The following PKP4 variants were observed in gnomAD, a reference collection of about 807,000 sequenced individuals.
PKP4 encodes plakophilin-4.
Under a neutral mutation model 145.1 loss-of-function variants are expected in PKP4, and 90 were observed. The ratio of observed to expected loss-of-function variants is 0.62; its 90% confidence interval spans 0.52 to 0.74. The LOEUF (loss-of-function observed/expected upper bound fraction) is 0.74. Ranked by LOEUF, PKP4 falls within the 30% of genes least tolerant of loss-of-function variation. PKP4 has a pLI of 0.00. For missense variants in PKP4, 1,340 were observed against 1,482.7 expected, an observed-to-expected ratio of 0.90 and a Z score of 1.58; for synonymous variants, 563 against 577.2, an observed-to-expected ratio of 0.98 and a Z score of 0.35.
At chr2:158,548,471 C>G (rs1054992240) in intron 2 of PKP4, 1 of 154,664 alleles carries the variant, frequency 6.5e-6, no homozygotes, top group African/African-American at 2.4e-5. Context: ...GCCCTGGCCC[C>G]TGTTGTTGCA....
At chr2:158,594,952 G>A (rs1485061454) in intron 3 of PKP4, among the ~76,000 whole-genome samples, 2 of 152,136 alleles carry the variant, frequency 1.3e-5, no homozygotes, top group African/African-American at 4.8e-5. Flanking sequence ...CTGTCTTCAC[G>A]TGTTGACCTT....
intron 9 of PKP4, among the ~76,000 whole-genome samples, chr2:158,636,969 G>A (rs2053862172): frequency 6.6e-6 from 1 of 152,032 alleles, no homozygotes; most frequent in African/African-American, 2.4e-5. Flanking sequence ...AACATCTGGG[G>A]TGAGTCTGGG....
chr2:158,487,049 G>A (rs562854439), intron 1 of PKP4, among the ~76,000 whole-genome samples: 10 of 152,200 alleles, frequency 6.6e-5, no homozygotes, highest in East Asian at 1.9e-4. Context: ...CATATGAAAC[G>A]TTACATCAGC....
Position 158,666,429 on chromosome 2 carries a change from G to A in PKP4, c.2594G>A (p.Arg865Gln), listed in dbSNP as rs746826647. The change falls in exon 16 of 22, where the codon CGG (arginine) becomes CAG (glutamine). Residue 865 changes from arginine (R) to glutamine (Q), a missense_variant. Transcript: ENST00000389759. Reference protein sequence around the residue: ...AGNWKFAAYIRAAVRKEKGLP... With the variant: ...AGNWKFAAYIQAAVRKEKGLP... ...TCTCACTAGTTTGCAGCATATATCC[G>A]GGCGGCCGTCCGAAAAGAAAAGGGG... The A allele has an allele frequency of 1.2e-5, 19 of 1,605,972 alleles. No homozygotes were observed. The highest frequency in any genetic ancestry group is 2.7e-5 in the African/African-American group (2 of 74,390).
intron 2 of PKP4, among the ~76,000 whole-genome samples, chr2:158,572,839 G>A (rs1236866359): frequency 6.6e-6 from 1 of 152,128 alleles, no homozygotes; most frequent in Non-Finnish European, 1.5e-5. Context: ...GAAATTTAAG[G>A]CCCAGAATGC....
Position 158,666,896 on chromosome 2 carries a change from A to G in PKP4, c.2728+333A>G, listed in dbSNP as rs184954126. Among the ~76,000 whole-genome samples, 245 of 152,240 alleles carry G rather than the reference A, an allele frequency of 1.6e-3. 1 individual carries two copies. Among genetic ancestry groups the G allele is most frequent in the African/African-American group, 5.6e-3 (234 of 41,542 alleles). On this transcript the variant is annotated intron_variant, in intron 16 of 21. Coordinates refer to ENST00000389759, the MANE Select transcript of PKP4 (RefSeq NM_003628.6). ...CAAAAAATCTTAATCTCCCTTTCCA[A>G]TTTTTGGACTGCTACCTGCTAATTC...
At chr2:158,605,348 G>A (rs1236523400) in intron 4 of PKP4, among the ~76,000 whole-genome samples, 2 of 152,062 alleles carry the variant, frequency 1.3e-5, no homozygotes, top group Non-Finnish European at 2.9e-5. Flanking sequence ...TACCTAATGA[G>A]TAAATGAGGT....
intron 1 of PKP4, among the ~76,000 whole-genome samples, chr2:158,463,170 G>T (rs1298600809): frequency 6.6e-6 from 1 of 152,182 alleles, no homozygotes; most frequent in Non-Finnish European, 1.5e-5. Context: ...TAGGGAAGTT[G>T]TAGCTTCTTG....
chr2:158,666,382 A>G (rs767754065), intron 15 of PKP4, 31 bp from the exon 16 acceptor site: 2 of 1,538,394 alleles, frequency 1.3e-6, no homozygotes, highest in Non-Finnish European at 1.7e-6. Flanking sequence ...ACTCTGTTTT[A>G]TGTTACTTCC....
In PKP4 at chr2:158,666,514, A is replaced by G. The variant is rs1002450676; in HGVS notation, c.2679A>G (p.Ala893=). Residue 893 remains alanine, a synonymous_variant, in exon 16 of 22, where the codon GCA becomes GCG. Transcript: ENST00000389759. ...ACGATAGAGTTGTTTCTTCCGTGGC[A>G]ACAGCCTTGAGGAATATGGCACTAG... is the stretch of plus-strand genomic sequence containing the variant. ...MDNDRVVSSV[A]TALRNMALDV... is the part of the protein sequence containing the mutation. The G allele has an allele frequency of 1.9e-6, 3 of 1,613,628 alleles. No individual in the cohort carries two copies. The highest frequency in any genetic ancestry group is 2.5e-6 in the Non-Finnish European group (3 of 1,179,848).
chr2:158,646,990 C>G (rs955117630), intron 11 of PKP4, among the ~76,000 whole-genome samples: 87 of 152,226 alleles, frequency 5.7e-4, no homozygotes, highest in African/African-American at 2.0e-3. Context: ...AAGACCAGTT[C>G]CACCCTAGAT....
At chr2:158,582,086 C>T (rs572126411) in intron 3 of PKP4, among the ~76,000 whole-genome samples, 1 of 152,272 alleles carries the variant, frequency 6.6e-6, no homozygotes, top group South Asian at 2.1e-4. Flanking sequence ...TGGGTTATGG[C>T]CTCATTTAAT....
intron 4 of PKP4, among the ~76,000 whole-genome samples, chr2:158,606,450 T>G (rs1345085969): frequency 1.3e-5 from 2 of 152,248 alleles, no homozygotes; most frequent in Non-Finnish European, 2.9e-5. Context: ...ATTTGTTGTA[T>G]TTTAACCTTA....
chr2:158,498,846 G>A (rs1172022405), intron 1 of PKP4, among the ~76,000 whole-genome samples: 1 of 147,760 alleles, frequency 6.8e-6, no homozygotes, highest in African/African-American at 2.5e-5. Context: ...TCAGGGGTGA[G>A]AGATTTTTGG....
At chr2:158,635,485 A>G (rs888860803) in intron 9 of PKP4, among the ~76,000 whole-genome samples, 2 of 152,186 alleles carry the variant, frequency 1.3e-5, no homozygotes, top group Admixed American at 6.5e-5. Context: ...AAATAGATGC[A>G]GAAATTCCCA....
chr2:158,668,213 TC>T (rs2057277416), intron 16 of PKP4, among the ~76,000 whole-genome samples: 1 of 151,902 alleles, frequency 6.6e-6, no homozygotes, highest in Admixed American at 6.6e-5. Flanking sequence ...CTTGAACTGT[TC>T]CATCAGTCTG....
intron 4 of PKP4, among the ~76,000 whole-genome samples, chr2:158,607,756 A>C (rs1461077652): frequency 3.3e-5 from 5 of 152,106 alleles, no homozygotes; most frequent in Non-Finnish European, 5.9e-5. Flanking sequence ...GTGGATTTTT[A>C]ATTACCAAAA....
At position 158,478,501 on chromosome 2, in the gene PKP4, A is replaced by C. The variant is rs79077595; in HGVS notation, c.-6+21283A>C. On this transcript the variant is annotated intron_variant, in intron 1 of 21. Transcript: ENST00000389759. ...TAAATGGAATCATCAGCAAGCCTGT[A>C]GTCTGCCCACCGCTCTCTGCCTTGG... is the stretch of plus-strand genomic sequence containing the variant. 1.5e-3 allele frequency among the ~76,000 whole-genome samples: 224 copies of C among 152,190 alleles called. 1 individual carries two copies. Among genetic ancestry groups the C allele is most frequent in the African/African-American group, 5.2e-3 (216 of 41,556 alleles).
At chr2:158,522,799 C>A (rs377324061) in intron 1 of PKP4, among the ~76,000 whole-genome samples, 2 of 152,122 alleles carry the variant, frequency 1.3e-5, no homozygotes, top group South Asian at 2.1e-4. Context: ...CAAAGCAGGG[C>A]GAGGCATTGC....
Sources: gnomAD v4.1 joint callset for allele counts (sites outside exome capture counted in the v4.1 genomes callset) on GRCh38, gnomAD v4.1.1 for gene constraint, MANE v1.5 for transcripts, NCBI Gene and HGNC (gene_info 2026-07-23, HGNC 2026-07-21) for gene names.